Variants in UBR1 observed in about 807,000 individuals in gnomAD.
UBR1 encodes the protein ubiquitin protein ligase E3 component n-recognin 1.
Under a neutral mutation model 242.1 loss-of-function variants are expected in UBR1, and 102 were observed. That is an observed-to-expected ratio of 0.42 (90% CI 0.36 to 0.50). The LOEUF (loss-of-function observed/expected upper bound fraction) is 0.50. Among genes scored for constraint, UBR1 ranks in the 20% least tolerant of loss-of-function variants. The pLI is 0.01. For synonymous variants in UBR1, 675 were observed against 684.8 expected, an observed-to-expected ratio of 0.99 and a Z score of 0.22; for missense variants, 1,772 against 2,101.8, an observed-to-expected ratio of 0.84 and a Z score of 3.07.
chr15:43,001,298 C>A (rs1034186154), intron 32 of UBR1, among the ~76,000 whole-genome samples: 2 of 152,058 alleles, frequency 1.3e-5, no homozygotes, highest in South Asian at 4.1e-4. Context: ...TAGGTGCCCA[C>A]CATCACACCC....
intron 29 of UBR1, among the ~76,000 whole-genome samples, chr15:43,007,801 T>C (rs1279975005): frequency 6.6e-6 from 1 of 152,186 alleles, no homozygotes. Context: ...CATTAAAACT[T>C]CTTCAGAAAC....
intron 6 of UBR1, among the ~76,000 whole-genome samples, chr15:43,062,542 T>C (rs1175492667): frequency 6.6e-6 from 1 of 152,170 alleles, no homozygotes; most frequent in Non-Finnish European, 1.5e-5. Context: ...AACACTAGTA[T>C]ATGGTACACC....
At chr15:42,992,882 T>C (rs933339227) in intron 33 of UBR1, among the ~76,000 whole-genome samples, 6 of 152,040 alleles carry the variant, frequency 3.9e-5, no homozygotes, top group African/African-American at 1.2e-4. Context: ...CAGAAAAAAA[T>C]GATGAAGATT....
In UBR1 at chr15:43,015,648, A is replaced by C. The variant is rs768175936; in HGVS notation, c.3209+40T>G. 1.7e-5 allele frequency: 27 copies of C among 1,607,154 alleles called. No homozygotes were observed. In the South Asian group the frequency reaches 2.6e-4, roughly 16 times the overall value. ...ACCCAAGAATGATCAATTTAAAAAAAAAAAATTGAGTTGGTAATTTTTGGT... is the reference window on the plus strand; with the variant it reads ...ACCCAAGAATGATCAATTTAAAAAACAAAAATTGAGTTGGTAATTTTTGGT... On this transcript the variant is annotated intron_variant, in intron 29 of 46. Transcript: ENST00000290650.
intron 46 of UBR1, among the ~76,000 whole-genome samples, chr15:42,946,042 G>A (rs923666229): frequency 2.0e-5 from 3 of 152,182 alleles, no homozygotes; most frequent in Non-Finnish European, 4.4e-5. Flanking sequence ...CTTAAGTCTG[G>A]CTGTTGCCAG....
intron 23 of UBR1, 151 bp from the exon 24 acceptor site, chr15:43,025,580 T>C (rs2033168130): frequency 4.7e-6 from 3 of 643,938 alleles, no homozygotes; most frequent in Non-Finnish European, 8.2e-6. Flanking sequence ...AGAAATAAAA[T>C]TGTGTTCTAG....
chr15:42,969,319 GAA>G (rs924960260), intron 40 of UBR1, among the ~76,000 whole-genome samples: 3 of 152,158 alleles, frequency 2.0e-5, no homozygotes, highest in Admixed American at 1.3e-4. Flanking sequence ...GTCTTCTTTT[GAA>G]AAGTGTCTGT....
chr15:43,084,813 A>G (rs549757118), intron 2 of UBR1, among the ~76,000 whole-genome samples: 3 of 152,322 alleles, frequency 2.0e-5, no homozygotes, highest in Admixed American at 2.0e-4. Context: ...GTTCTAAACA[A>G]CTGTTAACTG....
chr15:43,003,037 C>T (rs2141285745), intron 31 of UBR1, among the ~76,000 whole-genome samples: 1 of 152,266 alleles, frequency 6.6e-6, no homozygotes, highest in South Asian at 2.1e-4. Context: ...TGAGGGCTAT[C>T]ATGGAAAAAT....
chr15:43,074,074 C>A (rs529138169), intron 4 of UBR1, among the ~76,000 whole-genome samples: 202 of 152,266 alleles, frequency 1.3e-3, no homozygotes, highest in African/African-American at 4.8e-3. Flanking sequence ...TGTAACTGAC[C>A]AAGTTTTCTC....
chr15:42,959,650 G>A (rs2031981498), intron 43 of UBR1, among the ~76,000 whole-genome samples: 1 of 152,196 alleles, frequency 6.6e-6, no homozygotes, highest in Non-Finnish European at 1.5e-5. Context: ...AAAATTGTGT[G>A]AGATTAACAG....
intron 40 of UBR1, among the ~76,000 whole-genome samples, chr15:42,968,401 T>A (rs917352719): frequency 4.6e-5 from 7 of 151,190 alleles, no homozygotes; most frequent in Non-Finnish European, 7.4e-5. Context: ...TTTTTTTTTT[T>A]AAATAGAGAG....
At chr15:43,063,838 G>C (rs1596126218) in intron 6 of UBR1, among the ~76,000 whole-genome samples, 2 of 152,138 alleles carry the variant, frequency 1.3e-5, no homozygotes, top group South Asian at 4.2e-4. Flanking sequence ...CTGGGTTCAA[G>C]TGATTCTCCT....
chr15:43,093,749 G>C (rs999324274), intron 1 of UBR1, among the ~76,000 whole-genome samples: 1 of 135,050 alleles, frequency 7.4e-6, no homozygotes, highest in Admixed American at 8.4e-5. Context: ...TCGCGCCACC[G>C]CACTTCATTC....
At chr15:43,099,907 A>G (rs915174936) in intron 1 of UBR1, among the ~76,000 whole-genome samples, 3 of 149,158 alleles carry the variant, frequency 2.0e-5, no homozygotes, top group Non-Finnish European at 4.5e-5. Flanking sequence ...ACGGAGTCTC[A>G]CTCTGTCGCC....
At chr15:42,980,208 A>T (rs1056489451) in intron 37 of UBR1, among the ~76,000 whole-genome samples, 6 of 152,204 alleles carry the variant, frequency 3.9e-5, no homozygotes, top group Non-Finnish European at 7.3e-5. Context: ...TCTTACAGGC[A>T]GTTTAAAATG....
At chr15:43,065,325 T>G (rs1239146186) in intron 6 of UBR1, among the ~76,000 whole-genome samples, 4 of 152,210 alleles carry the variant, frequency 2.6e-5, no homozygotes, top group African/African-American at 9.7e-5. Context: ...TCTTTCTTCC[T>G]CTGATTCGTT....
At chr15:43,021,949 C>T (rs2033115832) in intron 26 of UBR1, among the ~76,000 whole-genome samples, 1 of 152,166 alleles carries the variant, frequency 6.6e-6, no homozygotes, top group African/African-American at 2.4e-5. Flanking sequence ...CTCTCTCTTA[C>T]ATCTTTTACT....
intron 30 of UBR1, among the ~76,000 whole-genome samples, chr15:43,005,515 G>A (rs2032808313): frequency 6.6e-6 from 1 of 152,108 alleles, no homozygotes; most frequent in Non-Finnish European, 1.5e-5. Flanking sequence ...GGGAGGTGGG[G>A]GGGCGCCTCT....
Sources: gnomAD v4.1 joint callset for allele counts (sites outside exome capture counted in the v4.1 genomes callset) on GRCh38, gnomAD v4.1.1 for gene constraint, MANE v1.5 for transcripts, NCBI Gene and HGNC (gene_info 2026-07-23, HGNC 2026-07-21) for gene names.